The following TENM3 variants were observed in gnomAD, a reference collection of about 807,000 sequenced individuals.
TENM3 encodes the protein teneurin-3.
A neutral mutation model predicts 255.1 loss-of-function variants in TENM3; 63 were observed. The ratio of observed to expected loss-of-function variants is 0.25; its 90% CI spans 0.20 to 0.30. The LOEUF is 0.30. TENM3 is among the 10% of genes least tolerant of loss of function. The pLI is 1.00. For missense variants in TENM3, 2,929 were observed against 3,461.1 expected (o/e 0.85, Z 3.86); for synonymous variants, 1,306 against 1,322.3 (o/e 0.99, Z 0.27).
the TENM3 span, among the ~76,000 whole-genome samples, chr4:182,022,896 A>G: frequency 6.6e-6 from 1 of 152,250 alleles, no homozygotes; most frequent in Non-Finnish European, 1.5e-5. Flanking sequence ...AAATTTTAAT[A>G]GCATTTCTGG....
the TENM3 span, chr4:181,906,605 G>A: frequency 2.0e-5 from 3 of 152,220 alleles, no homozygotes; most frequent in Admixed American, 6.5e-5. Flanking sequence ...TAAGTTTCTC[G>A]CTTTAACACA....
intron 12 of TENM3, among the ~76,000 whole-genome samples, chr4:182,690,960 AT>A (rs1431171957): frequency 3.8e-4 from 58 of 152,360 alleles, no homozygotes; most frequent in African/African-American, 1.4e-3. Context: ...TCATTTACAA[AT>A]AAATCTTAGA....
At chr4:182,363,348 T>C (rs1766168687) in intron 3 of TENM3, among the ~76,000 whole-genome samples, 1 of 152,026 alleles carries the variant, frequency 6.6e-6, no homozygotes. Context: ...TATATGTGTG[T>C]ATGTATGTGT....
At chr4:182,229,608 G>A (rs2597155) in intron 1 of TENM3, among the ~76,000 whole-genome samples, 55,878 of 146,468 alleles carry the variant, frequency 0.38, 10,769 homozygotes, top group African/African-American at 0.42. Context: ...GTGTGTATGT[G>A]TGTATATATA....
At chr4:181,734,078 C>T in the TENM3 span, among the ~76,000 whole-genome samples, 5 of 152,202 alleles carry the variant, frequency 3.3e-5, no homozygotes, top group Non-Finnish European at 5.9e-5. Context: ...TTTAGAATTG[C>T]TTTTTCAATC....
chr4:181,984,752 A>T, the TENM3 span, among the ~76,000 whole-genome samples: 1 of 150,098 alleles, frequency 6.7e-6, no homozygotes, highest in Non-Finnish European at 1.5e-5. Context: ...CCAAAATCTC[A>T]TCGGCTTTTT....
At chr4:181,600,015 T>A in the TENM3 span, among the ~76,000 whole-genome samples, 3 of 152,180 alleles carry the variant, frequency 2.0e-5, no homozygotes, top group African/African-American at 4.8e-5. Flanking sequence ...CTAACCCACA[T>A]CCGTGTGTAT....
At chr4:181,759,123 G>A in the TENM3 span, among the ~76,000 whole-genome samples, 1 of 152,020 alleles carries the variant, frequency 6.6e-6, no homozygotes, top group East Asian at 1.9e-4. Flanking sequence ...TGCAGGGCGG[G>A]GAGCTGGGGA....
the TENM3 span, among the ~76,000 whole-genome samples, chr4:181,878,758 T>C: frequency 2.0e-5 from 3 of 152,144 alleles, no homozygotes; most frequent in East Asian, 5.8e-4. Flanking sequence ...CATCCATCCA[T>C]GCGTGCATCC....
chr4:182,103,418 A>G, the TENM3 span, among the ~76,000 whole-genome samples: 2 of 152,262 alleles, frequency 1.3e-5, no homozygotes, highest in Non-Finnish European at 1.5e-5. Flanking sequence ...TTAATCTGAC[A>G]GCATTAGCTG....
the TENM3 span, among the ~76,000 whole-genome samples, chr4:181,686,808 C>T: frequency 6.6e-6 from 1 of 152,052 alleles, no homozygotes; most frequent in East Asian, 1.9e-4. Context: ...ATAATAGACT[C>T]CTGTTGGCCA....
the TENM3 span, among the ~76,000 whole-genome samples, chr4:181,929,111 C>G: frequency 6.6e-6 from 1 of 152,128 alleles, no homozygotes; most frequent in Non-Finnish European, 1.5e-5. Context: ...TATGAAGAAA[C>G]TGCGTCAACC....
chr4:182,267,269 C>A (rs1430025164), intron 1 of TENM3, among the ~76,000 whole-genome samples: 1 of 152,096 alleles, frequency 6.6e-6, no homozygotes, highest in Non-Finnish European at 1.5e-5. Flanking sequence ...TTTCTCTCTA[C>A]CTAATTTCTC....
chr4:182,196,470 C>G (rs1410923963), intron 1 of TENM3, among the ~76,000 whole-genome samples: 1 of 152,114 alleles, frequency 6.6e-6, no homozygotes, highest in East Asian at 1.9e-4. Flanking sequence ...AAGGGTAAGC[C>G]TCTTCTCAAG....
At chr4:182,692,932 G>A (rs1034474779) in intron 12 of TENM3, among the ~76,000 whole-genome samples, 1 of 151,940 alleles carries the variant, frequency 6.6e-6, no homozygotes, top group African/African-American at 2.4e-5. Flanking sequence ...GACCCCTCAA[G>A]GTCTCTTGCA....
the TENM3 span, among the ~76,000 whole-genome samples, chr4:182,054,356 C>T: frequency 6.6e-6 from 1 of 152,184 alleles, no homozygotes; most frequent in Non-Finnish European, 1.5e-5. Flanking sequence ...GAAAGAGACT[C>T]ATGGTCACCT....
In TENM3 at chr4:182,800,240, G is replaced by A. The variant is rs755310641; in HGVS notation, c.7989G>A (p.Lys2663=). The change falls in exon 28 of 28, where the codon AAG becomes AAA. Residue 2663 remains lysine, a synonymous_variant. Coordinates refer to ENST00000511685, the MANE Select transcript of TENM3 (RefSeq NM_001080477.4). The part of the protein sequence containing the change: ...GEKRQLLSAG[K]VQGYDGYYVL... The stretch of plus-strand genomic sequence containing the variant: ...AGCGGCAGCTGCTGAGCGCCGGCAA[G>A]GTGCAGGGCTACGACGGGTACTACG... The A allele has an allele frequency of 6.3e-7, 1 of 1,593,740 alleles. No homozygotes were observed. The highest frequency in any genetic ancestry group is 2.2e-5 in the East Asian group (1 of 44,628).
the TENM3 span, among the ~76,000 whole-genome samples, chr4:181,783,722 C>T: frequency 2.0e-5 from 3 of 152,128 alleles, no homozygotes; most frequent in East Asian, 5.8e-4. Flanking sequence ...GAGACAGGGC[C>T]TCCCTCTGTT....
chr4:182,623,018 T>A (rs990422468), intron 4 of TENM3, among the ~76,000 whole-genome samples: 2 of 151,654 alleles, frequency 1.3e-5, no homozygotes, highest in Non-Finnish European at 2.9e-5. Context: ...TCTCTTTTTT[T>A]TTTTTTCTTT....
Sources: gnomAD v4.1 joint callset for allele counts (sites outside exome capture counted in the v4.1 genomes callset) on GRCh38, gnomAD v4.1.1 for gene constraint, MANE v1.5 for transcripts, NCBI Gene and HGNC (gene_info 2026-07-23, HGNC 2026-07-21) for gene names.